KYNU: variants seen among roughly 807,000 people sequenced by gnomAD.
The protein encoded by KYNU is L-kynurenine hydrolase.
KYNU carries 54 observed loss-of-function variants against 59.2 expected under a neutral mutation model. That is an observed-to-expected ratio of 0.91 (90% CI 0.73 to 1.14). The LOEUF is 1.14. KYNU is among the 50% of genes most tolerant of loss of function. The probability of loss-of-function intolerance (pLI) is 0.00; values close to 1 mark genes in which losing one functional copy is unlikely to be tolerated. For synonymous variants in KYNU, 177 were observed against 192.0 expected, an observed-to-expected ratio of 0.92 and a Z score of 0.65; for missense variants, 567 against 554.4, an observed-to-expected ratio of 1.02 and a Z score of -0.23.
At chr2:142,878,169 A>G (rs759715279) in intron 1 of KYNU, among the ~76,000 whole-genome samples, 1 of 152,168 alleles carries the variant, frequency 6.6e-6, no homozygotes, top group Non-Finnish European at 1.5e-5. Context: ...ATTTATTTAG[A>G]GAAGTGAAAA....
intron 6 of KYNU, 49 bp from the exon 7 acceptor site, chr2:142,957,592 T>G (rs112158266): frequency 9.0e-7 from 1 of 1,105,466 alleles, no homozygotes. Flanking sequence ...TTCAATGTAC[T>G]TCTGTGCTCT....
chr2:142,896,621 A>G (rs925208127), intron 2 of KYNU, among the ~76,000 whole-genome samples: 2 of 152,100 alleles, frequency 1.3e-5, no homozygotes, highest in African/African-American at 4.8e-5. Flanking sequence ...ATCATAGCTC[A>G]CTGCATCCTT....
At chr2:142,990,270 G>A (rs888201747) in intron 10 of KYNU, among the ~76,000 whole-genome samples, 1 of 151,694 alleles carries the variant, frequency 6.6e-6, no homozygotes, top group African/African-American at 2.4e-5. Flanking sequence ...AATATGAAGG[G>A]AACTACTCTT....
intron 7 of KYNU, among the ~76,000 whole-genome samples, chr2:142,958,968 TC>T: frequency 7.5e-6 from 1 of 132,978 alleles, no homozygotes; most frequent in Non-Finnish European, 1.8e-5. Flanking sequence ...TTAATGACAT[TC>T]TTTTCTTTAT....
chr2:142,892,581 G>C (rs901205422), intron 2 of KYNU, among the ~76,000 whole-genome samples: 1 of 152,142 alleles, frequency 6.6e-6, no homozygotes, highest in African/African-American at 2.4e-5. Context: ...GAGTGCGTGT[G>C]GGTACCTAAC....
intron 8 of KYNU, among the ~76,000 whole-genome samples, chr2:142,966,922 G>A (rs905691649): frequency 6.6e-6 from 1 of 151,448 alleles, no homozygotes; most frequent in Non-Finnish European, 1.5e-5. Context: ...GGCAGAAAGT[G>A]AAATATCCAG....
At chr2:143,025,821 A>G (rs1183858641) in intron 10 of KYNU, among the ~76,000 whole-genome samples, 1 of 152,214 alleles carries the variant, frequency 6.6e-6, no homozygotes, top group East Asian at 1.9e-4. Flanking sequence ...GAGAATATAT[A>G]TTAGAAATAA....
intron 10 of KYNU, among the ~76,000 whole-genome samples, chr2:143,000,834 C>T (rs955663084): frequency 9.9e-5 from 15 of 152,072 alleles, no homozygotes; most frequent in Non-Finnish European, 2.1e-4. Flanking sequence ...TTCCTCTGGC[C>T]TTTAGACTTT....
In KYNU at chr2:143,055,714, G is replaced by A. The variant is rs961983696; in HGVS notation, c.*13542G>A. On this transcript the variant is annotated 3_prime_UTR_variant, in exon 14 of 14. Transcript: ENST00000264170. ...GAGGAGAGGAGAGGAGAGGTAGGAG[G>A]GAAGAAGAAAAAAATAGTATGAAAA... 6.6e-6 allele frequency: 1 copy of A among 151,582 alleles called. No homozygotes were observed. The highest frequency in any genetic ancestry group is 2.4e-5 in the African/African-American group (1 of 41,222). The allele number at this position is 151,582 out of a possible 1,614,324, so 9.4% of individuals were successfully genotyped here. A position where few individuals can be genotyped will look rare whatever the true frequency, so the allele number is the denominator to read the frequency against.
In KYNU at chr2:142,943,335, T is replaced by TA. The variant is rs540801135; in HGVS notation, c.374-11469dup. Among the ~76,000 whole-genome samples the TA allele has an allele frequency of 7.2e-4, 109 of 152,202 alleles. 1 individual carries two copies. The highest frequency in any genetic ancestry group is 2.5e-3 in the African/African-American group (105 of 41,532). On this transcript the variant is annotated intron_variant, in intron 4 of 13. Transcript: ENST00000264170. ...TAAAACCACAGCCTTTAATTTACCA[T>TA]AAAAAATTTTAAAAAGAAGTTACCA...
At chr2:142,891,273 AT>A (rs542720701) in intron 2 of KYNU, among the ~76,000 whole-genome samples, 1 of 152,018 alleles carries the variant, frequency 6.6e-6, no homozygotes, top group African/African-American at 2.4e-5. Flanking sequence ...TCTTCATTCC[AT>A]TTTTTTATCT....
chr2:142,889,922 AC>A, intron 2 of KYNU, among the ~76,000 whole-genome samples: 1 of 152,150 alleles, frequency 6.6e-6, no homozygotes, highest in South Asian at 2.1e-4. Flanking sequence ...CATAGCCTGT[AC>A]TTTTTTGATG....
chr2:142,985,413 A>T (rs548281647), intron 9 of KYNU, among the ~76,000 whole-genome samples: 3 of 151,906 alleles, frequency 2.0e-5, no homozygotes, highest in Non-Finnish European at 4.4e-5. Context: ...CTTGGCTGCT[A>T]TGAAAAAGTC....
Position 143,046,550 on chromosome 2 carries a change from A to G in KYNU, c.*4378A>G, listed in dbSNP as rs924285537. 8 of 151,754 alleles carry G rather than the reference A, an allele frequency of 5.3e-5. No homozygotes were observed. The highest frequency in any genetic ancestry group is 7.3e-5 in the African/African-American group (3 of 41,362). 9.4% of individuals were successfully genotyped at this position (151,754 alleles called of 1,614,324 possible). On this transcript the variant is annotated 3_prime_UTR_variant, in exon 14 of 14. Coordinates refer to ENST00000264170, the MANE Select transcript of KYNU (RefSeq NM_003937.3). ...CTTCTATTTCATAAGCCAGGTTTCTATATATCTATATAAATATAGATATGT... is the reference window on the plus strand; with the variant it reads ...CTTCTATTTCATAAGCCAGGTTTCTGTATATCTATATAAATATAGATATGT...
intron 10 of KYNU, among the ~76,000 whole-genome samples, chr2:143,017,846 G>A (rs1024360032): frequency 6.6e-6 from 1 of 152,046 alleles, no homozygotes; most frequent in African/African-American, 2.4e-5. Context: ...TCATATGTTT[G>A]TTGACCAATT....
chr2:142,901,734 T>A (rs538842295), intron 2 of KYNU, among the ~76,000 whole-genome samples: 52 of 152,306 alleles, frequency 3.4e-4, no homozygotes, highest in Middle Eastern at 3.4e-3. Context: ...GGGCTATTAG[T>A]TCTGCCAGCC....
intron 4 of KYNU, among the ~76,000 whole-genome samples, chr2:142,944,451 ACTCAT>A (rs1411362146): frequency 1.3e-5 from 2 of 152,208 alleles, no homozygotes. Context: ...ACTGGCTCAC[ACTCAT>A]CTCAGAAGTG....
rs746376643 is a variant in KYNU at position 142,960,812 on chromosome 2, C to T, written c.729+42C>T. ...CTTCTTCCCACCTTACTCCAAACAT[C>T]ACTCTACTTAAGAGTGTTCTAATTG... is the stretch of plus-strand genomic sequence containing the variant. On this transcript the variant is annotated intron_variant, in intron 8 of 13. Coordinates refer to ENST00000264170, the MANE Select transcript of KYNU (RefSeq NM_003937.3). 3.1e-6 allele frequency: 5 copies of T among 1,598,680 alleles called. No homozygotes were observed. The Admixed American group carries it at 5.0e-5, about 16-fold the overall frequency.
At chr2:142,901,674 T>C (rs1682093761) in intron 2 of KYNU, among the ~76,000 whole-genome samples, 1 of 152,208 alleles carries the variant, frequency 6.6e-6, no homozygotes, top group Admixed American at 6.5e-5. Context: ...ACTTTGAGTC[T>C]GTATGTATAT....
Sources: allele counts gnomAD v4.1 joint callset (sites outside exome capture counted in the v4.1 genomes callset), GRCh38; gene constraint gnomAD v4.1.1; transcripts MANE v1.5; gene names NCBI Gene and HGNC (gene_info 2026-07-23, HGNC 2026-07-21).